Variants in FAM107B observed in about 807,000 individuals in gnomAD.
FAM107B encodes family with sequence similarity 107 member B, also known as protein FAM107B.
In FAM107B, 21 loss-of-function variants were observed where a neutral mutation model predicts 31.5. The observed-to-expected ratio is 0.67, with a 90% confidence interval of 0.47 to 0.96. The LOEUF is 0.96. Ranked by LOEUF, FAM107B falls within the 40% of genes least tolerant of loss-of-function variation. The pLI, the probability that FAM107B is intolerant of heterozygous loss-of-function variation, is 0.00. For missense variants in FAM107B, 452 were observed against 377.1 expected (o/e 1.20, Z -1.64); for synonymous variants, 157 against 141.5 (o/e 1.11, Z -0.78).
intron 2 of FAM107B, among the ~76,000 whole-genome samples, chr10:14,653,528 T>A (rs191420389): frequency 6.6e-6 from 1 of 152,190 alleles, no homozygotes; most frequent in Non-Finnish European, 1.5e-5. Context: ...GAAAAGCCCA[T>A]GGTTCGGGAA....
chr10:14,583,164 G>T (rs886674461), intron 2 of FAM107B, among the ~76,000 whole-genome samples: 13 of 151,908 alleles, frequency 8.6e-5, no homozygotes, highest in African/African-American at 3.1e-4. Flanking sequence ...GGGCCCGGCA[G>T]TCTCATTCCA....
chr10:14,541,658 T>A (rs1242635605), intron 2 of FAM107B, among the ~76,000 whole-genome samples: 2 of 152,224 alleles, frequency 1.3e-5, no homozygotes, highest in African/African-American at 4.8e-5. Flanking sequence ...TGTGGGCTAA[T>A]TTCCCACGTT....
intron 2 of FAM107B, among the ~76,000 whole-genome samples, chr10:14,605,336 A>G (rs1484436270): frequency 6.6e-6 from 1 of 151,294 alleles, no homozygotes; most frequent in African/African-American, 2.4e-5. Flanking sequence ...ATCTACTTGA[A>G]TCACAGCAGG....
intron 2 of FAM107B, chr10:14,604,319 TC>T: frequency 1.0e-6 from 1 of 955,760 alleles, no homozygotes; most frequent in South Asian, 4.7e-5. Flanking sequence ...GCCCGACTGC[TC>T]GGCGGCGGCC....
rs138566286 is a variant in FAM107B at position 14,628,262 on chromosome 10, G to A, written c.469+39372C>T. Among the ~76,000 whole-genome samples, 877 of 151,750 alleles carry A rather than the reference G, an allele frequency of 5.8e-3. 6 individuals carry two copies. Among genetic ancestry groups the A allele is most frequent in the African/African-American group, 0.02 (812 of 41,386 alleles). ...CTCCCAAGTAGCTGGGATTACAGGC[G>A]CCCACCATCACGCCCAGCTAACTTT... On this transcript the variant is annotated intron_variant, in intron 2 of 4. Transcript: ENST00000181796.
chr10:14,534,663 G>C (rs1847415194), intron 2 of FAM107B: 1 of 152,238 alleles, frequency 6.6e-6, no homozygotes, highest in African/African-American at 2.4e-5. Flanking sequence ...TCTCCACAAA[G>C]CCAAACTCAC....
At chr10:14,723,335 G>A in intron 1 of FAM107B, 2 of 544,114 alleles carry the variant, frequency 3.7e-6, no homozygotes, top group South Asian at 2.8e-5. Flanking sequence ...CTCAGGCTAA[G>A]TAGCAGTGAA....
chr10:14,539,886 T>C (rs1418418398), intron 2 of FAM107B, among the ~76,000 whole-genome samples: 1 of 152,200 alleles, frequency 6.6e-6, no homozygotes, highest in African/African-American at 2.4e-5. Context: ...TAGAATTCCC[T>C]GGTAGACTGC....
chr10:14,632,499 T>C (rs1329695079), intron 2 of FAM107B, among the ~76,000 whole-genome samples: 1 of 149,556 alleles, frequency 6.7e-6, no homozygotes, highest in East Asian at 2.0e-4. Context: ...TAGTCCCAGA[T>C]ACTCGGGAGG....
chr10:14,697,042 A>G (rs188255111), intron 1 of FAM107B, among the ~76,000 whole-genome samples: 1 of 152,250 alleles, frequency 6.6e-6, no homozygotes, highest in Admixed American at 6.5e-5. Flanking sequence ...CAGTCTAGAG[A>G]GAGAGAAAAA....
chr10:14,642,482 G>C (rs935614633), intron 2 of FAM107B, among the ~76,000 whole-genome samples: 4 of 152,168 alleles, frequency 2.6e-5, no homozygotes, highest in Admixed American at 1.3e-4. Context: ...TTCTCATCTA[G>C]TGAAATCCAA....
chr10:14,626,499 C>CTTTTTTTTTTTTTTTTTTTTTTTTTTTTT (rs71505032), intron 2 of FAM107B, among the ~76,000 whole-genome samples: 1 of 109,042 alleles, frequency 9.2e-6, no homozygotes, highest in African/African-American at 3.3e-5. Context: ...TGAGGCGGAT[C>CTTTTTTTTTTTTTTTTTTTTTTTTTTTTT]TTTTTTTTCT....
In FAM107B at chr10:14,672,828, G is replaced by A. The variant is rs531969605; in HGVS notation, c.412-5137C>T. Among the ~76,000 whole-genome samples, 86 of 152,272 alleles carry A rather than the reference G, an allele frequency of 5.6e-4. 1 individual carries two copies. In the South Asian group the frequency reaches 8.7e-3, roughly 15 times the overall value. On this transcript the variant is annotated intron_variant, in intron 1 of 4. Coordinates refer to ENST00000181796, the MANE Select transcript of FAM107B (RefSeq NM_031453.4). ...AAGGAATAAAAAAACTTAAAAACACGAACCAAATACATTCACCAATGTACA... is the reference window on the plus strand; with the variant it reads ...AAGGAATAAAAAAACTTAAAAACACAAACCAAATACATTCACCAATGTACA...
intron 2 of FAM107B, among the ~76,000 whole-genome samples, chr10:14,613,451 C>T (rs79318708): frequency 0.011 from 1,709 of 152,326 alleles, 29 homozygotes; most frequent in African/African-American, 0.04. Context: ...AGCAGAACTT[C>T]TCTTCTTACT....
At chr10:14,671,219 C>T (rs756866260) in intron 1 of FAM107B, among the ~76,000 whole-genome samples, 1 of 152,164 alleles carries the variant, frequency 6.6e-6, no homozygotes, top group Non-Finnish European at 1.5e-5. Context: ...ATTGGTAGAG[C>T]GGCTATGTTG....
intron 2 of FAM107B, among the ~76,000 whole-genome samples, chr10:14,663,887 CAAAAAAAA>C (rs3035297): frequency 2.5e-4 from 20 of 80,370 alleles, no homozygotes; most frequent in African/African-American, 5.2e-4. Context: ...GATCATCAGC[CAAAAAAAA>C]AAAAAAAAAA....
At chr10:14,733,237 AGTACAT>A (rs1856215516) in intron 1 of FAM107B, among the ~76,000 whole-genome samples, 1 of 152,104 alleles carries the variant, frequency 6.6e-6, no homozygotes, top group African/African-American at 2.4e-5. Flanking sequence ...TATCAGCTAT[AGTACAT>A]GCAATCAACC....
intron 3 of FAM107B, among the ~76,000 whole-genome samples, chr10:14,525,740 A>G (rs1001996689): frequency 3.3e-5 from 5 of 152,208 alleles, no homozygotes; most frequent in Non-Finnish European, 7.3e-5. Flanking sequence ...GCCTCTGTGG[A>G]CATTTATAGC....
Position 14,520,579 on chromosome 10 carries a change from T to C in FAM107B, c.*611A>G, listed in dbSNP as rs1165730402. On this transcript the variant is annotated 3_prime_UTR_variant, in exon 5 of 5. Transcript: ENST00000181796. ...TGAAAATAAAATCAAGATGGGCTTT[T>C]AAACTTCTCACCCTATTTCTAAATT... The C allele has an allele frequency of 1.3e-5, 2 of 152,260 alleles. No homozygotes were observed. The highest frequency in any genetic ancestry group is 3.8e-4 in the East Asian group (2 of 5,198). The allele number at this position is 152,260 out of a possible 1,614,324, so 9.4% of individuals were successfully genotyped here.
Sources: allele counts gnomAD v4.1 joint callset (sites outside exome capture counted in the v4.1 genomes callset), GRCh38; gene constraint gnomAD v4.1.1; transcripts MANE v1.5; gene names NCBI Gene and HGNC (gene_info 2026-07-23, HGNC 2026-07-21).